CTNND2: variants seen among roughly 807,000 people sequenced by gnomAD.
CTNND2 encodes the protein catenin delta 2.
CTNND2 carries 22 observed loss-of-function variants against 144.4 expected under a neutral mutation model. That is an observed-to-expected ratio of 0.15 (90% CI 0.11 to 0.22). The LOEUF (loss-of-function observed/expected upper bound fraction) is 0.22. Ranked by LOEUF, CTNND2 falls within the 10% of genes least tolerant of loss-of-function variation. The pLI, the probability that CTNND2 is intolerant of heterozygous loss-of-function variation, is 1.00. For missense variants in CTNND2, 1,353 were observed against 1,618.8 expected (o/e 0.84, Z 2.82); for synonymous variants, 751 against 695.6 (o/e 1.08, Z -1.25).
At chr5:11,601,607 A>T (rs1334901700) in intron 2 of CTNND2, among the ~76,000 whole-genome samples, 1 of 152,136 alleles carries the variant, frequency 6.6e-6, no homozygotes, top group Non-Finnish European at 1.5e-5. Flanking sequence ...TTTTAATAAC[A>T]TATTTTTCTA....
chr5:10,984,258 C>A (rs1737657705), intron 20 of CTNND2, among the ~76,000 whole-genome samples: 1 of 152,176 alleles, frequency 6.6e-6, no homozygotes, highest in Non-Finnish European at 1.5e-5. Context: ...TGGCACAGCA[C>A]CTGGCCTCAG....
intron 2 of CTNND2, among the ~76,000 whole-genome samples, chr5:11,675,232 T>C (rs1408664921): frequency 6.6e-6 from 1 of 152,174 alleles, no homozygotes; most frequent in Non-Finnish European, 1.5e-5. Context: ...GCCAATCAGG[T>C]AAACTAATGT....
At chr5:11,759,476 T>G (rs939645888) in intron 1 of CTNND2, among the ~76,000 whole-genome samples, 6 of 152,116 alleles carry the variant, frequency 3.9e-5, no homozygotes, top group Non-Finnish European at 8.8e-5. Flanking sequence ...ACATGGTAGT[T>G]ATACAGATTT....
At chr5:11,345,223 T>C (rs942075846) in intron 9 of CTNND2, among the ~76,000 whole-genome samples, 2 of 152,174 alleles carry the variant, frequency 1.3e-5, no homozygotes, top group African/African-American at 4.8e-5. Flanking sequence ...ACCAAGACTA[T>C]AAAGAGTGCT....
At chr5:11,839,824 T>C (rs973751142) in intron 1 of CTNND2, among the ~76,000 whole-genome samples, 6 of 151,874 alleles carry the variant, frequency 4.0e-5, no homozygotes, top group African/African-American at 1.5e-4. Context: ...CTGTGAAAAT[T>C]GTGTAGCTCT....
At position 11,507,438 on chromosome 5, in the gene CTNND2, C is replaced by T. The variant is rs147153385; in HGVS notation, c.287+57506G>A. On this transcript the variant is annotated intron_variant, in intron 3 of 21. Transcript: ENST00000304623. ...GAAGTAAATGCCCCTCCTCCATCAC[C>T]CAGAGGCAGAAAGGAACTGGGCTTT... Among the ~76,000 whole-genome samples the T allele has an allele frequency of 9.6e-3, 1,466 of 152,232 alleles. 14 individuals carry two copies. Among genetic ancestry groups the T allele is most frequent in the Middle Eastern group, 0.02 (6 of 294 alleles).
chr5:11,712,558 G>A (rs1786090085), intron 2 of CTNND2, among the ~76,000 whole-genome samples: 1 of 152,008 alleles, frequency 6.6e-6, no homozygotes, highest in African/African-American at 2.4e-5. Context: ...ATTTTATAAA[G>A]ACAATTTAAA....
intron 10 of CTNND2, among the ~76,000 whole-genome samples, chr5:11,211,543 C>T (rs1414368328): frequency 6.6e-6 from 1 of 152,210 alleles, no homozygotes; most frequent in African/African-American, 2.4e-5. Flanking sequence ...AGAAAGGAAT[C>T]ATGCGTGACT....
At chr5:11,172,110 G>A (rs184300446) in intron 11 of CTNND2, among the ~76,000 whole-genome samples, 32 of 152,236 alleles carry the variant, frequency 2.1e-4, no homozygotes, top group Admixed American at 1.8e-3. Flanking sequence ...TCCACCTGGG[G>A]GGCATTAAGA....
In CTNND2 at chr5:11,627,143, T is replaced by C. The variant is rs1781201191; in HGVS notation, c.175-62087A>G. Reference sequence around the variant, plus strand: ...TCTTTTGCCTTTTGGATAGATTTATTAACACTGGAAGAACTAGGGAATTCT... The same window carrying C: ...TCTTTTGCCTTTTGGATAGATTTATCAACACTGGAAGAACTAGGGAATTCT... On this transcript the variant is annotated intron_variant, in intron 2 of 21. Coordinates refer to ENST00000304623, the MANE Select transcript of CTNND2 (RefSeq NM_001332.4). Among the ~76,000 whole-genome samples the C allele has an allele frequency of 2.0e-5, 3 of 152,178 alleles. No homozygotes were observed. In the South Asian group the frequency reaches 6.2e-4, roughly 32 times the overall value.
chr5:11,410,111 G>A (rs1475706538), intron 5 of CTNND2, among the ~76,000 whole-genome samples: 3 of 152,146 alleles, frequency 2.0e-5, no homozygotes, highest in African/African-American at 7.2e-5. Flanking sequence ...ATGAATGCAT[G>A]TGTTTCAAAT....
At chr5:11,772,283 C>T (rs528792207) in intron 1 of CTNND2, among the ~76,000 whole-genome samples, 40 of 152,108 alleles carry the variant, frequency 2.6e-4, no homozygotes, top group Middle Eastern at 3.4e-3. Context: ...CGTATTTTTA[C>T]ACTTCGCATT....
At chr5:11,687,059 C>T (rs754780350) in intron 2 of CTNND2, among the ~76,000 whole-genome samples, 2 of 152,078 alleles carry the variant, frequency 1.3e-5, no homozygotes, top group African/African-American at 4.8e-5. Context: ...AACTCACCCT[C>T]TCTCCCCATT....
chr5:11,014,196 T>C (rs1360407811), intron 18 of CTNND2, among the ~76,000 whole-genome samples: 1 of 152,208 alleles, frequency 6.6e-6, no homozygotes, highest in Non-Finnish European at 1.5e-5. Context: ...CTATAATCTT[T>C]TAATTCTATG....
intron 16 of CTNND2, among the ~76,000 whole-genome samples, chr5:11,075,726 G>T (rs2149621120): frequency 6.6e-6 from 1 of 152,394 alleles, no homozygotes; most frequent in East Asian, 1.9e-4. Flanking sequence ...ACCTTTGGCA[G>T]TGATTGAATC....
At chr5:11,573,403 G>A (rs551986730) in intron 2 of CTNND2, among the ~76,000 whole-genome samples, 29 of 152,106 alleles carry the variant, frequency 1.9e-4, no homozygotes, top group Non-Finnish European at 3.8e-4. Context: ...TCACATGAAT[G>A]AGTTGACTCT....
intron 18 of CTNND2, among the ~76,000 whole-genome samples, chr5:11,002,120 T>C (rs1740020714): frequency 6.6e-6 from 1 of 152,244 alleles, no homozygotes; most frequent in South Asian, 2.1e-4. Context: ...TCTCATTAGC[T>C]ATGCCCCAAT....
Position 11,768,267 on chromosome 5 carries a change from AGTTTTGTTTT to A in CTNND2, c.38-36005_38-35996del, listed in dbSNP as rs60666239. ...TCAGAGAGTCTCTCTCCCACTCAGG[AGTTTTGTTTT>A]GTTTTGTTTTGTTTTGTTTTGTTTT... is the stretch of plus-strand genomic sequence containing the variant. On this transcript the variant is annotated intron_variant, in intron 1 of 21. Transcript: ENST00000304623. 9.5e-3 allele frequency among the ~76,000 whole-genome samples: 1,411 copies of A among 148,832 alleles called. 19 individuals are homozygous for A. The highest frequency in any genetic ancestry group is 0.025 in the African/African-American group (1,018 of 39,994).
intron 9 of CTNND2, among the ~76,000 whole-genome samples, chr5:11,272,085 TAC>T (rs1746083646): frequency 6.6e-6 from 1 of 152,128 alleles, no homozygotes; most frequent in South Asian, 2.1e-4. Flanking sequence ...TCTAAAAAAA[TAC>T]AGTCCATTAT....
Sources: gnomAD v4.1 joint callset for allele counts (sites outside exome capture counted in the v4.1 genomes callset) on GRCh38, gnomAD v4.1.1 for gene constraint, MANE v1.5 for transcripts, NCBI Gene and HGNC (gene_info 2026-07-23, HGNC 2026-07-21) for gene names.